Variants in SOX6 observed in about 807,000 individuals in gnomAD.
SOX6 encodes transcription factor SOX-6.
A neutral mutation model predicts 97.8 loss-of-function variants in SOX6; 11 were observed. That is an observed-to-expected ratio of 0.11 (90% CI 0.07 to 0.19). The LOEUF (loss-of-function observed/expected upper bound fraction) is 0.19, where lower values mean the gene tolerates loss of function less well. SOX6 is among the 10% of genes least tolerant of loss of function. The pLI is 1.00. For missense variants in SOX6, 810 were observed against 1,039.5 expected, an observed-to-expected ratio of 0.78 and a Z score of 3.04; for synonymous variants, 360 against 371.4, an observed-to-expected ratio of 0.97 and a Z score of 0.35.
At chr11:16,673,915 C>T (rs548628018) in intron 3 of SOX6, among the ~76,000 whole-genome samples, 4 of 152,074 alleles carry the variant, frequency 2.6e-5, no homozygotes, top group Admixed American at 6.6e-5. Context: ...ATCGGCTGGG[C>T]GTGGTGGCTC....
At chr11:16,686,941 T>C (rs958033088) in intron 3 of SOX6, among the ~76,000 whole-genome samples, 12 of 150,694 alleles carry the variant, frequency 8.0e-5, no homozygotes, top group African/African-American at 2.9e-4. Flanking sequence ...CCAGCCTGGG[T>C]GACAGAGTGA....
intron 4 of SOX6, among the ~76,000 whole-genome samples, chr11:16,594,457 T>C (rs1054804456): frequency 3.3e-5 from 5 of 152,120 alleles, no homozygotes; most frequent in African/African-American, 7.2e-5. Flanking sequence ...CAATCCTTTT[T>C]TAAACCTCAA....
intron 3 of SOX6, among the ~76,000 whole-genome samples, chr11:16,291,229 TTATATA>T (rs10529279): frequency 1.4e-3 from 196 of 143,478 alleles, no homozygotes; most frequent in African/African-American, 4.7e-3. Flanking sequence ...TTCTATAAAT[TTATATA>T]TATATATATA....
chr11:16,589,659 AATTT>A (rs1356482463), intron 4 of SOX6, among the ~76,000 whole-genome samples: 4 of 152,142 alleles, frequency 2.6e-5, no homozygotes, highest in African/African-American at 9.7e-5. Context: ...AATAAGCCAA[AATTT>A]ATTTAATCAT....
intron 12 of SOX6, among the ~76,000 whole-genome samples, chr11:16,038,946 C>T (rs1855584646): frequency 6.6e-6 from 1 of 151,972 alleles, no homozygotes; most frequent in Non-Finnish European, 1.5e-5. Context: ...TTGTGAGTGC[C>T]CAGAGAAGAC....
chr11:16,654,761 C>T (rs555643484), intron 3 of SOX6, among the ~76,000 whole-genome samples: 2 of 152,262 alleles, frequency 1.3e-5, no homozygotes, highest in Non-Finnish European at 2.9e-5. Flanking sequence ...TGCTAAGAAG[C>T]CTTCTGCTAG....
At chr11:16,426,458 C>A (rs1401001588) in intron 1 of SOX6, among the ~76,000 whole-genome samples, 1 of 151,844 alleles carries the variant, frequency 6.6e-6, no homozygotes, top group African/African-American at 2.4e-5. Context: ...CAAAAACAGA[C>A]ACATAGACCA....
chr11:16,559,679 A>G (rs1847787012), intron 4 of SOX6, among the ~76,000 whole-genome samples: 1 of 152,114 alleles, frequency 6.6e-6, no homozygotes, highest in Non-Finnish European at 1.5e-5. Flanking sequence ...CCCAAACACA[A>G]AAATGCACAT....
chr11:16,351,509 T>C (rs1193372366), intron 1 of SOX6, among the ~76,000 whole-genome samples: 2 of 152,088 alleles, frequency 1.3e-5, no homozygotes, highest in Non-Finnish European at 2.9e-5. Context: ...GCCACTCTCC[T>C]GATCAAAAAA....
chr11:16,187,544 T>A (rs1165942030), intron 4 of SOX6, among the ~76,000 whole-genome samples: 2 of 150,508 alleles, frequency 1.3e-5, no homozygotes, highest in Non-Finnish European at 1.5e-5. Context: ...TGAATGTGAT[T>A]TTTTTTTTTC....
intron 4 of SOX6, among the ~76,000 whole-genome samples, chr11:16,492,210 C>T (rs918498969): frequency 6.6e-5 from 10 of 152,280 alleles, no homozygotes; most frequent in Admixed American, 6.5e-4. Flanking sequence ...TAAAAGGCAT[C>T]TTTTAGTGTG....
At chr11:16,650,357 C>T (rs1037074679) in intron 3 of SOX6, among the ~76,000 whole-genome samples, 1 of 152,022 alleles carries the variant, frequency 6.6e-6, no homozygotes, top group African/African-American at 2.4e-5. Context: ...GAACATTCTC[C>T]AAGATAGACC....
chr11:16,251,989 T>C (rs1254907754), intron 3 of SOX6, among the ~76,000 whole-genome samples: 1 of 58,028 alleles, frequency 1.7e-5, no homozygotes, highest in Non-Finnish European at 4.1e-5. Context: ...GTAATTTTCT[T>C]TTAAAAAAAA....
At chr11:16,434,721 A>T (rs1238048118) in intron 1 of SOX6, among the ~76,000 whole-genome samples, 2 of 152,178 alleles carry the variant, frequency 1.3e-5, no homozygotes, top group African/African-American at 4.8e-5. Context: ...GTGCTCAATA[A>T]AAGTTTTGAA....
rs1412450790 is a variant in SOX6 at position 16,014,980 on chromosome 11, G to A, written c.1694C>T (p.Pro565Leu). 1.2e-6 allele frequency: 2 copies of A among 1,612,960 alleles called. No individual in the cohort carries two copies. Among genetic ancestry groups the A allele is most frequent in the South Asian group, 1.1e-5 (1 of 91,058 alleles). Residue 565 changes from proline (P) to leucine (L), a missense_variant, in exon 13 of 16, where the codon CCA becomes CTA. Transcript: ENST00000683767. Reference sequence around the variant, plus strand: ...TGGCCGAGTAAGGTCGATGACACCTGGGCCCAGTTTTCCATCTTCATTTGA... The same window carrying A: ...TGGCCGAGTAAGGTCGATGACACCTAGGCCCAGTTTTCCATCTTCATTTGA... ...GKSNEDGKLGPGVIDLTRPED... is the reference protein window; with the variant it reads ...GKSNEDGKLGLGVIDLTRPED...
At chr11:16,451,731 G>A (rs1859718919) in intron 1 of SOX6, among the ~76,000 whole-genome samples, 1 of 152,084 alleles carries the variant, frequency 6.6e-6, no homozygotes, top group African/African-American at 2.4e-5. Flanking sequence ...CAACTGTGAA[G>A]TAGTCCATTA....
intron 4 of SOX6, among the ~76,000 whole-genome samples, chr11:16,219,758 C>G (rs760145642): frequency 6.6e-6 from 1 of 151,926 alleles, no homozygotes; most frequent in Non-Finnish European, 1.5e-5. Flanking sequence ...TGTAGGAGGT[C>G]TAGTACTATG....
chr11:16,548,182 C>A (rs191181612), intron 4 of SOX6, among the ~76,000 whole-genome samples: 10 of 152,136 alleles, frequency 6.6e-5, no homozygotes, highest in Non-Finnish European at 1.0e-4. Context: ...GCAAAAATAT[C>A]TTTCTAATGT....
intron 4 of SOX6, among the ~76,000 whole-genome samples, chr11:16,525,693 G>A (rs1450923180): frequency 1.3e-5 from 2 of 151,698 alleles, no homozygotes; most frequent in East Asian, 1.9e-4. Context: ...GAGTGAACAG[G>A]CAACCTACAA....
Sources: gnomAD v4.1 joint callset for allele counts (sites outside exome capture counted in the v4.1 genomes callset) on GRCh38, gnomAD v4.1.1 for gene constraint, MANE v1.5 for transcripts, NCBI Gene and HGNC (gene_info 2026-07-23, HGNC 2026-07-21) for gene names.